The following FOXP1 variants were observed in gnomAD, a reference collection of about 807,000 sequenced individuals.
The protein encoded by FOXP1 is forkhead box P1.
Under a neutral mutation model 98.2 loss-of-function variants are expected in FOXP1, and 15 were observed. The observed-to-expected ratio is 0.15, with a 90% CI of 0.10 to 0.24. FOXP1 has a LOEUF of 0.24. Ranked by LOEUF, FOXP1 falls within the 10% of genes least tolerant of loss-of-function variation. The pLI, the probability that FOXP1 is intolerant of heterozygous loss-of-function variation, is 1.00. For missense variants in FOXP1, 633 were observed against 848.5 expected (o/e 0.75, Z 3.15); for synonymous variants, 371 against 314.5 (o/e 1.18, Z -1.90).
intron 5 of FOXP1, among the ~76,000 whole-genome samples, chr3:71,265,682 GTAA>G (rs1166536093): frequency 6.6e-6 from 1 of 152,200 alleles, no homozygotes; most frequent in Non-Finnish European, 1.5e-5. Context: ...TCTTGCCCTA[GTAA>G]TGTACACATG....
At chr3:71,100,964 G>A (rs1167350720) in intron 7 of FOXP1, among the ~76,000 whole-genome samples, 1 of 152,176 alleles carries the variant, frequency 6.6e-6, no homozygotes, top group Non-Finnish European at 1.5e-5. Flanking sequence ...GATAGGAGGT[G>A]AGCGATGCAT....
At chr3:71,336,680 G>A (rs2076704401) in intron 4 of FOXP1, among the ~76,000 whole-genome samples, 1 of 152,244 alleles carries the variant, frequency 6.6e-6, no homozygotes. Flanking sequence ...AGTAGAATTA[G>A]AATATCACCG....
At chr3:70,993,345 C>T (rs760598072) in intron 13 of FOXP1, among the ~76,000 whole-genome samples, 6 of 152,264 alleles carry the variant, frequency 3.9e-5, no homozygotes, top group Admixed American at 6.5e-5. Context: ...CCCCCAAAGC[C>T]GGGTTTTAAA....
intron 7 of FOXP1, among the ~76,000 whole-genome samples, chr3:71,057,290 A>AATTTTTTTTTTTTTTTTT (rs2050789349): frequency 7.8e-5 from 1 of 12,834 alleles, no homozygotes; most frequent in African/African-American, 1.1e-4. Flanking sequence ...TAAAAACGAA[A>AATTTTTTTTTTTTTTTTT]CTTTTTTTTT....
chr3:71,419,548 C>G (rs542157967), intron 3 of FOXP1, among the ~76,000 whole-genome samples: 3 of 152,068 alleles, frequency 2.0e-5, no homozygotes, highest in Non-Finnish European at 4.4e-5. Context: ...AAGAAAGAAA[C>G]TGGATCTCCA....
intron 14 of FOXP1, among the ~76,000 whole-genome samples, chr3:70,979,778 T>TA (rs34746282): frequency 0.029 from 4,032 of 138,130 alleles, 189 homozygotes; most frequent in African/African-American, 0.1. Context: ...ACACTCTAGT[T>TA]AAAAAAAAAA....
At chr3:71,223,566 AC>A (rs2065576149) in intron 5 of FOXP1, among the ~76,000 whole-genome samples, 1 of 151,860 alleles carries the variant, frequency 6.6e-6, no homozygotes, top group South Asian at 2.1e-4. Flanking sequence ...GTAATGGCAG[AC>A]GCCTGTAGTC....
chr3:71,196,790 A>C (rs1350022403), intron 6 of FOXP1, among the ~76,000 whole-genome samples: 1 of 152,210 alleles, frequency 6.6e-6, no homozygotes, highest in Admixed American at 6.5e-5. Flanking sequence ...AAATGCACAA[A>C]GTTTATACAC....
intron 6 of FOXP1, among the ~76,000 whole-genome samples, chr3:71,164,443 C>T (rs1391993084): frequency 6.6e-6 from 1 of 152,178 alleles, no homozygotes; most frequent in Non-Finnish European, 1.5e-5. Context: ...TCGTGATCTG[C>T]CCGCCTCGGC....
intron 2 of FOXP1, among the ~76,000 whole-genome samples, chr3:71,527,011 C>G (rs963459342): frequency 6.6e-6 from 1 of 151,794 alleles, no homozygotes; most frequent in Non-Finnish European, 1.5e-5. Flanking sequence ...GGAGGTAGCC[C>G]TACATGGCTT....
At chr3:71,069,723 G>A (rs576087109) in intron 7 of FOXP1, among the ~76,000 whole-genome samples, 5 of 152,262 alleles carry the variant, frequency 3.3e-5, no homozygotes, top group East Asian at 1.9e-4. Flanking sequence ...GCAAACCCTC[G>A]ATTTTTAAGC....
At chr3:71,130,022 T>C (rs1025749450) in intron 6 of FOXP1, among the ~76,000 whole-genome samples, 1 of 152,186 alleles carries the variant, frequency 6.6e-6, no homozygotes, top group African/African-American at 2.4e-5. Context: ...TTGGTACAAA[T>C]ATTACCAAGA....
At chr3:71,543,171 C>A (rs951574064) in intron 2 of FOXP1, among the ~76,000 whole-genome samples, 14 of 152,106 alleles carry the variant, frequency 9.2e-5, no homozygotes, top group Admixed American at 7.2e-4. Context: ...ATCTGGGTAC[C>A]ACTTATTGAA....
intron 3 of FOXP1, among the ~76,000 whole-genome samples, chr3:71,465,956 G>A (rs1047115972): frequency 1.3e-5 from 2 of 152,162 alleles, no homozygotes; most frequent in Middle Eastern, 3.2e-3. Flanking sequence ...ATCTGAGGTG[G>A]AACAGTTTCA....
At chr3:71,206,836 G>T (rs572548895) in intron 5 of FOXP1, among the ~76,000 whole-genome samples, 2 of 152,072 alleles carry the variant, frequency 1.3e-5, no homozygotes, top group Admixed American at 1.3e-4. Flanking sequence ...GTCTTGGTTC[G>T]CTTCTTTCCT....
Position 71,002,929 on chromosome 3 carries a change from C to T in FOXP1, c.975-1870G>A, listed in dbSNP as rs768879240. On this transcript the variant is annotated intron_variant, in intron 12 of 20. Transcript: ENST00000649528. Reference sequence around the variant, plus strand: ...AGAGGCTTTCATTCTAATAAGCTGTCACCAATGAAACAAGACCACAGACCA... The same window carrying T: ...AGAGGCTTTCATTCTAATAAGCTGTTACCAATGAAACAAGACCACAGACCA... Among the ~76,000 whole-genome samples the T allele has an allele frequency of 5.3e-5, 8 of 152,280 alleles. No homozygotes were observed. In the South Asian group the frequency reaches 1.7e-3, roughly 32 times the overall value.
At chr3:71,574,976 C>A (rs1578243769) in intron 2 of FOXP1, among the ~76,000 whole-genome samples, 1 of 152,186 alleles carries the variant, frequency 6.6e-6, no homozygotes, top group Admixed American at 6.5e-5. Context: ...CAATTAAACT[C>A]TTAAGAAGGG....
intron 3 of FOXP1, among the ~76,000 whole-genome samples, chr3:71,445,685 A>T (rs1416729222): frequency 2.1e-5 from 3 of 141,420 alleles, no homozygotes; most frequent in Non-Finnish European, 3.1e-5. Flanking sequence ...ATAGATATTT[A>T]TACCTTTTTT....
chr3:71,105,721 T>C (rs1474535657), intron 7 of FOXP1, among the ~76,000 whole-genome samples: 2 of 152,136 alleles, frequency 1.3e-5, no homozygotes, highest in Non-Finnish European at 2.9e-5. Flanking sequence ...AACTTTGCTT[T>C]GCTGTTGTTG....
Sources: gnomAD v4.1 joint callset for allele counts (sites outside exome capture counted in the v4.1 genomes callset) on GRCh38, gnomAD v4.1.1 for gene constraint, MANE v1.5 for transcripts, NCBI Gene and HGNC (gene_info 2026-07-23, HGNC 2026-07-21) for gene names.